Variants in GALNT17 observed in about 807,000 individuals in gnomAD.
GALNT17 encodes polypeptide N-acetylgalactosaminyltransferase 17.
A neutral mutation model predicts 63.7 loss-of-function variants in GALNT17; 29 were observed. The observed-to-expected ratio is 0.46, with a 90% CI of 0.34 to 0.62. The LOEUF is 0.62. Among genes scored for constraint, GALNT17 ranks in the 20% least tolerant of loss-of-function variants. GALNT17 has a pLI of 0.01. For synonymous variants in GALNT17, 305 were observed against 318.3 expected (o/e 0.96, Z 0.45); for missense variants, 603 against 799.6 (o/e 0.75, Z 2.97).
At chr7:71,187,289 T>C (rs1376283407) in intron 1 of GALNT17, among the ~76,000 whole-genome samples, 2 of 143,816 alleles carry the variant, frequency 1.4e-5, no homozygotes, top group African/African-American at 5.0e-5. Context: ...TTTCTTTCTT[T>C]TTTTTTTTTT....
chr7:71,252,781 T>C (rs1334617578), intron 1 of GALNT17, among the ~76,000 whole-genome samples: 1 of 152,204 alleles, frequency 6.6e-6, no homozygotes, highest in East Asian at 1.9e-4. Flanking sequence ...CTTCCCATTT[T>C]GTTCCTAAAT....
chr7:71,260,617 T>TC (rs920031564), intron 1 of GALNT17, among the ~76,000 whole-genome samples: 2 of 151,670 alleles, frequency 1.3e-5, no homozygotes, highest in East Asian at 1.9e-4. Flanking sequence ...TAATCTTTTT[T>TC]TTTTTGAGAC....
intron 5 of GALNT17, among the ~76,000 whole-genome samples, chr7:71,506,090 G>A (rs1035909457): frequency 3.3e-5 from 5 of 151,936 alleles, no homozygotes; most frequent in Admixed American, 2.0e-4. Flanking sequence ...ATTGGTGGGT[G>A]GTATGGTAGT....
intron 6 of GALNT17, among the ~76,000 whole-genome samples, chr7:71,625,662 A>G (rs549005565): frequency 6.6e-6 from 1 of 152,276 alleles, no homozygotes; most frequent in Non-Finnish European, 1.5e-5. Context: ...GATTGCAAGC[A>G]GGTACTTCTC....
chr7:71,408,773 T>C (rs1327489565), intron 3 of GALNT17, among the ~76,000 whole-genome samples: 1 of 152,032 alleles, frequency 6.6e-6, no homozygotes, highest in Non-Finnish European at 1.5e-5. Flanking sequence ...CTCAGGAGGC[T>C]GAGGCAGGAG....
At chr7:71,335,474 A>C in intron 1 of GALNT17, 76 bp from the exon 2 acceptor site, 1 of 1,342,792 alleles carries the variant, frequency 7.4e-7, no homozygotes, top group Non-Finnish European at 9.9e-7. Context: ...TGTCTGTTGA[A>C]GCTGCAGCGG....
At chr7:71,380,232 A>G (rs1362561918) in intron 2 of GALNT17, among the ~76,000 whole-genome samples, 2 of 152,180 alleles carry the variant, frequency 1.3e-5, no homozygotes, top group South Asian at 2.1e-4. Flanking sequence ...CGAGGAATGA[A>G]TGAGAGGTAA....
intron 9 of GALNT17, among the ~76,000 whole-genome samples, chr7:71,689,715 C>T (rs1225586301): frequency 6.6e-6 from 1 of 152,176 alleles, no homozygotes; most frequent in East Asian, 1.9e-4. Flanking sequence ...AAGGTGTCTA[C>T]ACTCAACAAC....
intron 6 of GALNT17, among the ~76,000 whole-genome samples, chr7:71,624,523 T>A (rs897736592): frequency 4.6e-5 from 7 of 151,798 alleles, no homozygotes; most frequent in African/African-American, 1.7e-4. Flanking sequence ...TGGAGAAAAA[T>A]GATGGTTTCA....
At chr7:71,617,277 T>TA (rs1403660140) in intron 6 of GALNT17, among the ~76,000 whole-genome samples, 1 of 147,350 alleles carries the variant, frequency 6.8e-6, no homozygotes, top group East Asian at 1.9e-4. Context: ...TAGTACTTGA[T>TA]AGATAGTATT....
intron 6 of GALNT17, among the ~76,000 whole-genome samples, chr7:71,572,676 T>C (rs560466875): frequency 6.6e-6 from 1 of 152,130 alleles, no homozygotes; most frequent in Non-Finnish European, 1.5e-5. Context: ...ATTTAAGATC[T>C]ATCCTCTTAG....
At chr7:71,392,826 C>T (rs576282299) in intron 3 of GALNT17, among the ~76,000 whole-genome samples, 1 of 126,404 alleles carries the variant, frequency 7.9e-6, no homozygotes, top group South Asian at 2.4e-4. Flanking sequence ...TGTTTTTTCC[C>T]CGGGCCAGAA....
intron 1 of GALNT17, among the ~76,000 whole-genome samples, chr7:71,332,072 A>G (rs1328204093): frequency 6.6e-6 from 1 of 152,220 alleles, no homozygotes; most frequent in Non-Finnish European, 1.5e-5. Context: ...CTTCCTCCAT[A>G]TAAAATACTA....
intron 5 of GALNT17, among the ~76,000 whole-genome samples, chr7:71,564,797 A>G (rs548610696): frequency 6.6e-6 from 1 of 152,212 alleles, no homozygotes; most frequent in Non-Finnish European, 1.5e-5. Flanking sequence ...GACATACCAA[A>G]TGGAGACCTC....
intron 6 of GALNT17, among the ~76,000 whole-genome samples, chr7:71,590,767 G>A (rs1202339138): frequency 2.0e-5 from 3 of 152,026 alleles, no homozygotes; most frequent in Non-Finnish European, 4.4e-5. Flanking sequence ...CACTCTTGTT[G>A]CCCAGGCTGG....
At chr7:71,678,126 TTATC>T (rs1791180434) in intron 9 of GALNT17, among the ~76,000 whole-genome samples, 2 of 151,446 alleles carry the variant, frequency 1.3e-5, no homozygotes, top group African/African-American at 2.4e-5. Context: ...ATTTATTTAT[TTATC>T]TGTTTATTTT....
intron 6 of GALNT17, among the ~76,000 whole-genome samples, chr7:71,574,899 A>G (rs7780705): frequency 0.026 from 3,885 of 152,208 alleles, 175 homozygotes; most frequent in African/African-American, 0.088. Flanking sequence ...CCCAGGTGAG[A>G]ATCCACCTCT....
chr7:71,194,877 C>CT, intron 1 of GALNT17, among the ~76,000 whole-genome samples: 1 of 152,288 alleles, frequency 6.6e-6, no homozygotes, highest in South Asian at 2.1e-4. Flanking sequence ...GGAGCAAAGT[C>CT]TTTAAGGAAA....
At chr7:71,559,994 G>C (rs1789227473) in intron 5 of GALNT17, among the ~76,000 whole-genome samples, 1 of 151,530 alleles carries the variant, frequency 6.6e-6, no homozygotes, top group African/African-American at 2.4e-5. Flanking sequence ...AGGAGTTCGA[G>C]ACCAGCCTAG....
Sources: allele counts gnomAD v4.1 joint callset (sites outside exome capture counted in the v4.1 genomes callset), GRCh38; gene constraint gnomAD v4.1.1; transcripts MANE v1.5; gene names NCBI Gene and HGNC (gene_info 2026-07-23, HGNC 2026-07-21).